The following ERCC1 variants were observed in gnomAD, a reference collection of about 807,000 sequenced individuals.
ERCC1 encodes the protein ERCC excision repair 1, endonuclease non-catalytic subunit.
Under a neutral mutation model 37.6 loss-of-function variants are expected in ERCC1, and 36 were observed. The ratio of observed to expected loss-of-function variants is 0.96; its 90% confidence interval spans 0.73 to 1.26. The LOEUF (loss-of-function observed/expected upper bound fraction) is 1.26. Ranked by LOEUF, ERCC1 falls within the 50% of genes most tolerant of loss-of-function variation. The pLI is 0.00. For missense variants in ERCC1, 349 were observed against 376.5 expected, an observed-to-expected ratio of 0.93 and a Z score of 0.60; for synonymous variants, 156 against 162.1, an observed-to-expected ratio of 0.96 and a Z score of 0.28.
chr19:45,423,672 G>C (rs1974582279), intron 1 of ERCC1, 109 bp downstream of exon 1: 9 of 1,265,386 alleles, frequency 7.1e-6, no homozygotes, highest in African/African-American at 3.0e-5. Context: ...CGGCCCCCGA[G>C]GCTAGCATCT....
intron 2 of ERCC1, among the ~76,000 whole-genome samples, chr19:45,422,321 T>G (rs1974485774): frequency 2.0e-5 from 3 of 152,086 alleles, no homozygotes; most frequent in African/African-American, 7.2e-5. Flanking sequence ...CAGACTTCGT[T>G]CTGCCCTTGA....
intron 9 of ERCC1, among the ~76,000 whole-genome samples, chr19:45,410,926 C>A (rs374643850): frequency 6.6e-6 from 1 of 152,134 alleles, no homozygotes; most frequent in South Asian, 2.1e-4. Context: ...CGGATTCAAG[C>A]GATTCTCCTG....
At chr19:45,430,633 C>T (rs11880437) in intron 1 of ERCC1, among the ~76,000 whole-genome samples, 11,117 of 152,088 alleles carry the variant, frequency 0.073, 740 homozygotes, top group East Asian at 0.21. Context: ...TTATCATAAG[C>T]GGGGCGCGGT....
At chr19:45,422,853 A>G (rs550682031) in intron 2 of ERCC1, among the ~76,000 whole-genome samples, 57 of 152,290 alleles carry the variant, frequency 3.7e-4, no homozygotes, top group African/African-American at 1.3e-3. Context: ...TTCATAGCCA[A>G]TGCTCATCAC....
At chr19:45,427,497 C>G (rs1302199322), upstream of ERCC1, among the ~76,000 whole-genome samples, 1 of 152,054 alleles carries the variant, frequency 6.6e-6, no homozygotes. Flanking sequence ...CGCCTGTAAT[C>G]CCAGCTACTC....
At chr19:45,440,289 G>T (rs1405376664) in intron 1 of ERCC1, among the ~76,000 whole-genome samples, 3 of 151,062 alleles carry the variant, frequency 2.0e-5, no homozygotes, top group Non-Finnish European at 4.4e-5. Flanking sequence ...CCCCCAGCCT[G>T]TCCTACTCCT....
At chr19:45,421,925 A>G (rs1046086469) in intron 2 of ERCC1, among the ~76,000 whole-genome samples, 1 of 151,748 alleles carries the variant, frequency 6.6e-6, no homozygotes, top group African/African-American at 2.4e-5. Flanking sequence ...GAGCCACAGC[A>G]CTTGACCCCT....
At chr19:45,432,995 G>T (rs1034345585) in intron 1 of ERCC1, among the ~76,000 whole-genome samples, 7 of 152,196 alleles carry the variant, frequency 4.6e-5, no homozygotes, top group South Asian at 2.1e-4. Context: ...CAGGAGAATC[G>T]CTTGAACCTG....
At chr19:45,424,917 T>G (rs1406876081), upstream of ERCC1, among the ~76,000 whole-genome samples, 2 of 136,378 alleles carry the variant, frequency 1.5e-5, no homozygotes, top group African/African-American at 3.2e-5. Flanking sequence ...TAAATTCTTT[T>G]TTTTCTTTTT....
At chr19:45,432,065 G>T (rs1035306696) in intron 1 of ERCC1, among the ~76,000 whole-genome samples, 2 of 151,836 alleles carry the variant, frequency 1.3e-5, no homozygotes, top group Admixed American at 6.6e-5. Flanking sequence ...TCCGCCTCCC[G>T]GGTTCAAGCA....
rs965974902 is a variant in ERCC1 at position 45,407,783 on chromosome 19, G to A, written c.*1892C>T. The A allele has an allele frequency of 3.1e-5, 8 of 254,400 alleles. No individual in the cohort carries two copies. In the South Asian group the frequency reaches 6.8e-4, roughly 22 times the overall value. 15.8% of individuals were successfully genotyped at this position (254,400 alleles called of 1,614,324 possible). On this transcript the variant is annotated 3_prime_UTR_variant, in exon 10 of 10. Transcript: ENST00000300853. ...ATTAAAAACCAGAGGCCAGCCAGGCGCAGTGGCTGGTGCCTGTAATCCCAT... is the reference window on the plus strand; with the variant it reads ...ATTAAAAACCAGAGGCCAGCCAGGCACAGTGGCTGGTGCCTGTAATCCCAT...
Position 45,408,266 on chromosome 19 carries a change from G to T in ERCC1, c.*1409C>A. On this transcript the variant is annotated 3_prime_UTR_variant, in exon 10 of 10. Coordinates refer to ENST00000300853, the MANE Select transcript of ERCC1 (RefSeq NM_001983.4). ...AGCGACCCTGCTGGCCCCCTCAACG[G>T]AGGCAGGAGGTGGACTCACCTGTGC... 1.2e-6 allele frequency: 2 copies of T among 1,614,108 alleles called. No homozygotes were observed. The highest frequency in any genetic ancestry group is 1.7e-6 in the Non-Finnish European group (2 of 1,180,002).
At chr19:45,438,652 A>T (rs73564965) in intron 1 of ERCC1, among the ~76,000 whole-genome samples, 278 of 148,768 alleles carry the variant, frequency 1.9e-3, no homozygotes, top group African/African-American at 5.8e-3. Context: ...TATTATTATT[A>T]TTTTTTAAGA....
intron 5 of ERCC1, among the ~76,000 whole-genome samples, 183 bp from the exon 6 acceptor site, chr19:45,417,080 G>A (rs1032662650): frequency 3.9e-5 from 6 of 152,144 alleles, no homozygotes; most frequent in Middle Eastern, 3.4e-3. Context: ...CTGGGCGACA[G>A]GGTGAGACTC....
At chr19:45,438,178 G>A (rs1599860807) in intron 1 of ERCC1, among the ~76,000 whole-genome samples, 1 of 152,254 alleles carries the variant, frequency 6.6e-6, no homozygotes, top group Non-Finnish European at 1.5e-5. Context: ...CCAAAGTGCT[G>A]GGATTACAGG....
chr19:45,414,422 A>T, intron 7 of ERCC1: 1 of 357,524 alleles, frequency 2.8e-6, no homozygotes, highest in South Asian at 2.4e-5. Flanking sequence ...GGTTGCAGTG[A>T]GCCGAGATCA....
upstream of ERCC1, among the ~76,000 whole-genome samples, chr19:45,427,161 C>T (rs937341893): frequency 1.3e-5 from 2 of 151,378 alleles, no homozygotes; most frequent in Non-Finnish European, 2.9e-5. Flanking sequence ...AACAAAAAAA[C>T]GAAAGAAAAG....
chr19:45,419,891 T>C (rs1389120524), intron 4 of ERCC1, among the ~76,000 whole-genome samples: 1 of 122,500 alleles, frequency 8.2e-6, no homozygotes, highest in Non-Finnish European at 1.7e-5. Flanking sequence ...CCTCCTCCCT[T>C]AGACCCAGGA....
intron 1 of ERCC1, among the ~76,000 whole-genome samples, chr19:45,438,704 G>T: frequency 6.6e-6 from 1 of 151,826 alleles, no homozygotes; most frequent in Non-Finnish European, 1.5e-5. Context: ...TGCAATGGCT[G>T]GATCTCGGCT....
Sources: allele counts gnomAD v4.1 joint callset (sites outside exome capture counted in the v4.1 genomes callset), GRCh38; gene constraint gnomAD v4.1.1; transcripts MANE v1.5; gene names NCBI Gene and HGNC (gene_info 2026-07-23, HGNC 2026-07-21).